TRMT1L: variants seen among roughly 807,000 people sequenced by gnomAD.
TRMT1L encodes tRNA (guanine(27)-N(2))-dimethyltransferase.
Under a neutral mutation model 81.6 loss-of-function variants are expected in TRMT1L, and 28 were observed. The observed-to-expected ratio is 0.34, with a 90% CI of 0.25 to 0.47. The LOEUF (loss-of-function observed/expected upper bound fraction) is 0.47. TRMT1L is among the 20% of genes least tolerant of loss of function. The pLI is 1.00. For missense variants in TRMT1L, 739 were observed against 877.1 expected (o/e 0.84, Z 1.99); for synonymous variants, 301 against 303.2 (o/e 0.99, Z 0.07).
intron 7 of TRMT1L, among the ~76,000 whole-genome samples, chr1:185,142,213 T>C (rs1424194392): frequency 1.3e-5 from 2 of 152,136 alleles, no homozygotes; most frequent in Admixed American, 6.5e-5. Flanking sequence ...GTAGCAGTAG[T>C]CTCCTCTTTT....
chr1:185,129,402 T>C (rs569199201), intron 10 of TRMT1L, among the ~76,000 whole-genome samples: 7 of 152,096 alleles, frequency 4.6e-5, no homozygotes, highest in African/African-American at 1.7e-4. Flanking sequence ...TAAAAAGCAA[T>C]GAATGAGAGT....
Position 185,143,928 on chromosome 1 carries a change from T to A in TRMT1L, c.757A>T (p.Asn253Tyr), listed in dbSNP as rs1328594302. 1 of 1,608,196 alleles carries A rather than the reference T, an allele frequency of 6.2e-7. No individual in the cohort carries two copies. Among genetic ancestry groups the A allele is most frequent in the Admixed American group, 1.7e-5 (1 of 59,606 alleles). The change falls in exon 6 of 15, where the codon AAC becomes TAC. Residue 253 changes from asparagine to tyrosine, a missense_variant. Physicochemically the swap from Asn to Tyr is moderately radical, Grantham distance 143. Transcript: ENST00000367506. ...SIPQKTDSYFNPKMKLNRQLI... is the reference protein window; with the variant it reads ...SIPQKTDSYFYPKMKLNRQLI... The stretch of plus-strand genomic sequence containing the variant: ...TACCGATTTAGTTTCATTTTGGGGT[T>A]AAAATAGGAATCTGTTTTCTGAGGT...
intron 10 of TRMT1L, among the ~76,000 whole-genome samples, chr1:185,133,356 C>T (rs917022930): frequency 1.3e-5 from 2 of 152,050 alleles, no homozygotes; most frequent in Non-Finnish European, 2.9e-5. Context: ...AGCCACCATG[C>T]CCGGATTCAT....
At chr1:185,155,512 A>G (rs1653490721) in intron 1 of TRMT1L, among the ~76,000 whole-genome samples, 2 of 152,266 alleles carry the variant, frequency 1.3e-5, no homozygotes, top group African/African-American at 4.8e-5. Context: ...TCAAAACTGC[A>G]AAATAATCCT....
At position 185,156,883 on chromosome 1, in the gene TRMT1L, T is replaced by C; in HGVS notation, c.-171A>G. The C allele has an allele frequency of 8.7e-6, 8 of 915,162 alleles. No homozygotes were observed. Among genetic ancestry groups the C allele is most frequent in the Non-Finnish European group, 1.3e-5 (8 of 638,878 alleles). The allele number at this position is 915,162 out of a possible 1,614,324, so 56.7% of individuals were successfully genotyped here. ...ATGAAGAACCAGTGACCAAATCCTG[T>C]TAGTAGAAAACAGAAAGCCAGAGGC... On this transcript the variant is annotated 5_prime_UTR_variant, in exon 1 of 15. Transcript: ENST00000367506.
intron 10 of TRMT1L, among the ~76,000 whole-genome samples, chr1:185,132,947 T>C (rs1652809679): frequency 6.6e-6 from 1 of 152,034 alleles, no homozygotes; most frequent in South Asian, 2.1e-4. Context: ...TCCAGGATGA[T>C]GGTTAAACAG....
chr1:185,143,622 A>T (rs1336068504), intron 6 of TRMT1L, among the ~76,000 whole-genome samples, 186 bp from the exon 7 acceptor site: 1 of 152,162 alleles, frequency 6.6e-6, no homozygotes, highest in African/African-American at 2.4e-5. Context: ...CTATGAATCC[A>T]GTTGGGTTCT....
intron 13 of TRMT1L, chr1:185,120,767 G>T: frequency 3.8e-6 from 1 of 260,716 alleles, no homozygotes. Context: ...GAAGCCATCT[G>T]TCAATCTGGG....
In TRMT1L at chr1:185,118,540, GAA is replaced by G. The variant is rs895723868; in HGVS notation, c.*1477_*1478del. On this transcript the variant is annotated 3_prime_UTR_variant, in exon 15 of 15. Coordinates refer to ENST00000367506, the MANE Select transcript of TRMT1L (RefSeq NM_030934.5). The stretch of plus-strand genomic sequence containing the variant: ...CCTGGATTTATAGTAATTTTTAATT[GAA>G]AAAAACCTCATTTATTCTGCTCATT... The G allele has an allele frequency of 6.6e-6, 1 of 151,748 alleles. No homozygotes were observed. Among genetic ancestry groups the G allele is most frequent in the Admixed American group, 6.6e-5 (1 of 15,224 alleles). 9.4% of individuals were successfully genotyped at this position (151,748 alleles called of 1,614,324 possible). A position where few individuals can be genotyped will look rare whatever the true frequency, so the allele number is the denominator to read the frequency against.
chr1:185,148,811 C>T (rs1437780644), intron 3 of TRMT1L, among the ~76,000 whole-genome samples: 2 of 152,120 alleles, frequency 1.3e-5, no homozygotes, highest in Non-Finnish European at 2.9e-5. Flanking sequence ...AAATTAGCAT[C>T]TAATTCCCCT....
Position 185,156,571 on chromosome 1 carries a change from T to C in TRMT1L, c.142A>G (p.Thr48Ala). 1 of 1,596,598 alleles carries C rather than the reference T, an allele frequency of 6.3e-7. No homozygotes were observed. ...APDSALDSAP[T>A]PASAPAPAPA... ...GCTGGGGCTGGAGCCGAGGCCGGAG[T>C]CGGAGCCGAGTCCAGAGCCGAATCC... The change falls in exon 1 of 15, where the codon ACT (threonine) becomes GCT (alanine). Residue 48 changes from threonine (T) to alanine (A), a missense_variant. This residue lies in a region of TRMT1L where 209 missense variants were observed against 165.4 expected (regional missense o/e 1.26). Transcript: ENST00000367506.
chr1:185,153,405 A>G (rs1653414512), intron 1 of TRMT1L, among the ~76,000 whole-genome samples: 2 of 152,196 alleles, frequency 1.3e-5, no homozygotes, highest in Non-Finnish European at 2.9e-5. Flanking sequence ...AGATTCAGAA[A>G]GAATAAATGG....
At chr1:185,127,374 G>A (rs1174473670) in intron 11 of TRMT1L, among the ~76,000 whole-genome samples, 1 of 152,164 alleles carries the variant, frequency 6.6e-6, no homozygotes, top group African/African-American at 2.4e-5. Flanking sequence ...CAATTTCTAG[G>A]TTTAGTAGGT....
At chr1:185,125,140 G>T in intron 11 of TRMT1L, 30 bp from the exon 12 acceptor site, 3 of 1,516,530 alleles carry the variant, frequency 2.0e-6, no homozygotes, top group Non-Finnish European at 1.8e-6. Context: ...CAGAGAACTG[G>T]GTTTGAAAAA....
chr1:185,139,613 C>A, intron 8 of TRMT1L, 34 bp from the exon 9 acceptor site: 2 of 1,465,844 alleles, frequency 1.4e-6, no homozygotes, highest in South Asian at 2.6e-5. Context: ...ATTTTAAAGT[C>A]ATATTAGTAA....
chr1:185,152,027 AAC>A (rs1243764310), intron 1 of TRMT1L, 92 bp from the exon 2 acceptor site: 5 of 709,064 alleles, frequency 7.1e-6, no homozygotes, highest in East Asian at 3.1e-5. Context: ...TATTTCCTAT[AAC>A]ACAGTGTTAT....
At chr1:185,155,393 T>A (rs367917875) in intron 1 of TRMT1L, among the ~76,000 whole-genome samples, 22 of 152,338 alleles carry the variant, frequency 1.4e-4, no homozygotes, top group African/African-American at 5.3e-4. Context: ...ATTTTGTACC[T>A]ACAAGCTCTG....
rs759860174 is a variant in TRMT1L at position 185,143,428 on chromosome 1, A to G, written c.788T>C (p.Ile263Thr). 4 of 1,607,996 alleles carry G rather than the reference A, an allele frequency of 2.5e-6. No individual in the cohort carries two copies. In the East Asian group the frequency reaches 9.0e-5, roughly 36 times the overall value. Reference protein sequence around the residue: ...NPKMKLNRQLIFCTLAALAEE... With the variant: ...NPKMKLNRQLTFCTLAALAEE... ...AGCCAAAGCAGCCAATGTACAGAAT[A>G]TTAGCTGCCTAGAAGGAAATCATAA... The change falls in exon 7 of 15, where the codon ATA (isoleucine) becomes ACA (threonine). Residue 263 changes from isoleucine (I) to threonine (T), a missense_variant. Physicochemically the swap from Ile to Thr is moderately conservative, Grantham distance 89. Coordinates refer to ENST00000367506, the MANE Select transcript of TRMT1L (RefSeq NM_030934.5).
At chr1:185,142,466 T>C (rs1653075195) in intron 7 of TRMT1L, among the ~76,000 whole-genome samples, 1 of 152,180 alleles carries the variant, frequency 6.6e-6, no homozygotes, top group Non-Finnish European at 1.5e-5. Context: ...GGAGGCTTTT[T>C]AGAAATTTTC....
Sources: allele counts gnomAD v4.1 joint callset (sites outside exome capture counted in the v4.1 genomes callset), GRCh38; gene constraint gnomAD v4.1.1; regional missense constraint gnomAD v4.1.1; transcripts MANE v1.5; gene names NCBI Gene and HGNC (gene_info 2026-07-23, HGNC 2026-07-21).